THSD7B: variants seen among roughly 807,000 people sequenced by gnomAD.
THSD7B encodes the protein thrombospondin type-1 domain-containing protein 7B.
A neutral mutation model predicts 213.6 loss-of-function variants in THSD7B; 138 were observed. The observed-to-expected ratio is 0.65, with a 90% CI of 0.56 to 0.74. The LOEUF (loss-of-function observed/expected upper bound fraction) is 0.74, where lower values mean the gene tolerates loss of function less well. Ranked by LOEUF, THSD7B falls within the 30% of genes least tolerant of loss-of-function variation. The pLI is 0.00. For missense variants in THSD7B, 1,931 were observed against 1,991.5 expected, an observed-to-expected ratio of 0.97 and a Z score of 0.58; for synonymous variants, 742 against 687.0, an observed-to-expected ratio of 1.08 and a Z score of -1.25.
At chr2:136,830,761 T>C (rs1376115776) in intron 1 of THSD7B, among the ~76,000 whole-genome samples, 2 of 152,194 alleles carry the variant, frequency 1.3e-5, no homozygotes, top group Non-Finnish European at 2.9e-5. Context: ...TCATTGTCAT[T>C]AAATTCAGTT....
chr2:137,574,155 G>T (rs141730216), intron 17 of THSD7B, among the ~76,000 whole-genome samples: 1 of 151,894 alleles, frequency 6.6e-6, no homozygotes, highest in Admixed American at 6.6e-5. Context: ...TAATCACTTC[G>T]CAATGAAAAC....
chr2:136,917,459 A>C (rs1186712717), intron 2 of THSD7B, among the ~76,000 whole-genome samples: 1 of 152,158 alleles, frequency 6.6e-6, no homozygotes, highest in Non-Finnish European at 1.5e-5. Flanking sequence ...GAGTCAGCTT[A>C]TGTGTATTGA....
intron 1 of THSD7B, among the ~76,000 whole-genome samples, chr2:136,777,741 G>A (rs1324208393): frequency 1.3e-5 from 2 of 152,108 alleles, no homozygotes. Context: ...AAAAAGAATA[G>A]CTACCAAATA....
At chr2:136,797,253 C>A (rs1357517284) in intron 1 of THSD7B, among the ~76,000 whole-genome samples, 1 of 151,932 alleles carries the variant, frequency 6.6e-6, no homozygotes, top group African/African-American at 2.4e-5. Context: ...AGATAACCAT[C>A]ATCCCCTTCT....
chr2:136,984,488 C>G (rs746073043), intron 2 of THSD7B, among the ~76,000 whole-genome samples: 1 of 152,176 alleles, frequency 6.6e-6, no homozygotes, highest in Non-Finnish European at 1.5e-5. Flanking sequence ...CCTAGCTTTG[C>G]CCTTTGCTTC....
chr2:137,583,599 C>G (rs1271136767), intron 17 of THSD7B, among the ~76,000 whole-genome samples: 1 of 152,164 alleles, frequency 6.6e-6, no homozygotes, highest in Non-Finnish European at 1.5e-5. Context: ...ATAGGGAATC[C>G]TTTCCCCATT....
chr2:137,047,651 C>T (rs1024558839), intron 2 of THSD7B, among the ~76,000 whole-genome samples: 2 of 152,158 alleles, frequency 1.3e-5, no homozygotes, highest in Admixed American at 1.3e-4. Flanking sequence ...ACCAGTAGTG[C>T]GGCTGGCATC....
chr2:137,280,869 A>G (rs771016786), intron 12 of THSD7B, among the ~76,000 whole-genome samples: 6 of 152,094 alleles, frequency 3.9e-5, no homozygotes, highest in Non-Finnish European at 7.4e-5. Context: ...AGTGGAGTGT[A>G]TTTCTCCAGG....
At chr2:136,924,057 C>G (rs1007510237) in intron 2 of THSD7B, among the ~76,000 whole-genome samples, 1 of 152,160 alleles carries the variant, frequency 6.6e-6, no homozygotes, top group Non-Finnish European at 1.5e-5. Context: ...TTTCCCCTTA[C>G]GTTTACTTCT....
At chr2:137,078,352 A>G (rs907745051) in intron 3 of THSD7B, among the ~76,000 whole-genome samples, 2 of 152,192 alleles carry the variant, frequency 1.3e-5, no homozygotes, top group African/African-American at 2.4e-5. Context: ...TATGTAAGAA[A>G]TGATATCATA....
chr2:137,639,104 A>C (rs1682889384), intron 20 of THSD7B, among the ~76,000 whole-genome samples: 1 of 151,998 alleles, frequency 6.6e-6, no homozygotes, highest in South Asian at 2.1e-4. Flanking sequence ...CAAGGGGAAA[A>C]TGTCTCCAGG....
chr2:137,306,613 A>G (rs1683753035), intron 12 of THSD7B, among the ~76,000 whole-genome samples: 2 of 152,226 alleles, frequency 1.3e-5, no homozygotes, highest in South Asian at 4.2e-4. Context: ...ACTTACATGT[A>G]TCTTCTAGTG....
chr2:136,765,672 G>A lies in THSD7B; in HGVS notation c.-51G>A, dbSNP rs1010038227. The A allele has an allele frequency of 1.2e-4, 19 of 152,256 alleles. No homozygotes were observed. The highest frequency in any genetic ancestry group is 4.6e-4 in the African/African-American group (19 of 41,552). 9.4% of individuals were successfully genotyped at this position (152,256 alleles called of 1,614,324 possible). ...AGCGGCTCCCAGAGGTTACGGCGGCGGCTCTGGCGAGACGGGTGAGTGCAA... is the reference window on the plus strand; with the variant it reads ...AGCGGCTCCCAGAGGTTACGGCGGCAGCTCTGGCGAGACGGGTGAGTGCAA... On this transcript the variant is annotated 5_prime_UTR_variant, in exon 1 of 28. Coordinates refer to ENST00000409968, the MANE Select transcript of THSD7B (RefSeq NM_001316349.2).
intron 15 of THSD7B, among the ~76,000 whole-genome samples, chr2:137,546,455 T>TTATATA (rs1205451610): frequency 5.1e-5 from 1 of 19,708 alleles, no homozygotes; most frequent in Admixed American, 7.7e-4. Context: ...TATATATATA[T>TTATATA]TATATATAAT....
intron 27 of THSD7B, among the ~76,000 whole-genome samples, chr2:137,676,119 C>CAGA (rs988655139): frequency 1.3e-5 from 2 of 152,160 alleles, no homozygotes; most frequent in African/African-American, 4.8e-5. Context: ...CAGGTCAGAG[C>CAGA]AGAAGTGTGT....
intron 2 of THSD7B, among the ~76,000 whole-genome samples, chr2:136,920,702 T>G (rs1245695854): frequency 6.6e-6 from 1 of 152,030 alleles, no homozygotes; most frequent in Non-Finnish European, 1.5e-5. Flanking sequence ...CTGTCTGCCT[T>G]TAACATGCCA....
intron 2 of THSD7B, among the ~76,000 whole-genome samples, chr2:137,037,414 GTATA>G (rs58423996): frequency 2.0e-5 from 3 of 150,574 alleles, no homozygotes; most frequent in African/African-American, 7.3e-5. Context: ...GTATGTATAC[GTATA>G]TATATATACA....
chr2:136,975,053 T>C (rs568374388), intron 2 of THSD7B, among the ~76,000 whole-genome samples: 1 of 152,018 alleles, frequency 6.6e-6, no homozygotes, highest in South Asian at 2.1e-4. Context: ...TGTTTTTTTT[T>C]TTTTTGTAAA....
At chr2:136,977,432 T>G (rs1685498516) in intron 2 of THSD7B, among the ~76,000 whole-genome samples, 1 of 152,132 alleles carries the variant, frequency 6.6e-6, no homozygotes, top group African/African-American at 2.4e-5. Flanking sequence ...TTGATTTTTT[T>G]GAAGACTTTT....
Sources: gnomAD v4.1 joint callset for allele counts (sites outside exome capture counted in the v4.1 genomes callset) on GRCh38, gnomAD v4.1.1 for gene constraint, MANE v1.5 for transcripts, NCBI Gene and HGNC (gene_info 2026-07-23, HGNC 2026-07-21) for gene names.